Variants in MKLN1 observed in about 807,000 individuals in gnomAD.
MKLN1 encodes the protein muskelin.
In MKLN1, 18 loss-of-function variants were observed where a neutral mutation model predicts 99.0. The observed-to-expected ratio is 0.18, with a 90% CI of 0.13 to 0.27. MKLN1 has a LOEUF of 0.27. Ranked by LOEUF, MKLN1 falls within the 10% of genes least tolerant of loss-of-function variation. The probability of loss-of-function intolerance (pLI) is 1.00; values close to 1 mark genes in which losing one functional copy is unlikely to be tolerated. For synonymous variants in MKLN1, 288 were observed against 293.2 expected, an observed-to-expected ratio of 0.98 and a Z score of 0.18; for missense variants, 621 against 875.9, an observed-to-expected ratio of 0.71 and a Z score of 3.67.
At chr7:131,329,614 T>C (rs1048511714) in intron 1 of MKLN1, among the ~76,000 whole-genome samples, 1 of 152,206 alleles carries the variant, frequency 6.6e-6, no homozygotes, top group Admixed American at 6.5e-5. Flanking sequence ...TTAGCGTATT[T>C]CCAGGACGTC....
chr7:131,335,900 TAAC>T (rs1175161322), intron 1 of MKLN1, among the ~76,000 whole-genome samples: 3 of 152,038 alleles, frequency 2.0e-5, no homozygotes, highest in Non-Finnish European at 4.4e-5. Context: ...ATTCTGCTGT[TAAC>T]TACTGTCTTC....
At chr7:131,192,162 CTTAT>C (rs1486241931) in intron 2 of MKLN1, among the ~76,000 whole-genome samples, 3,121 of 105,242 alleles carry the variant, frequency 0.03, 317 homozygotes, top group Admixed American at 0.039. Flanking sequence ...TACATATATA[CTTAT>C]GTATAATATA....
At chr7:131,222,835 G>A (rs1797079631) in intron 3 of MKLN1, among the ~76,000 whole-genome samples, 1 of 149,044 alleles carries the variant, frequency 6.7e-6, no homozygotes, top group East Asian at 2.0e-4. Flanking sequence ...TGGCCAACAT[G>A]GTAAAATCCT....
chr7:131,149,046 G>C (rs960287508), intron 2 of MKLN1, among the ~76,000 whole-genome samples: 1 of 152,108 alleles, frequency 6.6e-6, no homozygotes, highest in African/African-American at 2.4e-5. Context: ...TGGGGCAGGC[G>C]GTGGGGCAGA....
intron 1 of MKLN1, among the ~76,000 whole-genome samples, chr7:131,112,239 G>A (rs939590189): frequency 3.3e-5 from 5 of 152,232 alleles, no homozygotes; most frequent in African/African-American, 7.2e-5. Flanking sequence ...AAGCTTAAAT[G>A]AAAGTGCTGG....
chr7:131,116,197 A>G (rs1475834116), intron 1 of MKLN1, among the ~76,000 whole-genome samples: 1 of 151,800 alleles, frequency 6.6e-6, no homozygotes, highest in Non-Finnish European at 1.5e-5. Context: ...GAATATATAT[A>G]TATATTCATT....
At chr7:131,361,376 C>T (rs1800023115) in intron 1 of MKLN1, among the ~76,000 whole-genome samples, 1 of 151,530 alleles carries the variant, frequency 6.6e-6, no homozygotes, top group Non-Finnish European at 1.5e-5. Context: ...TCTTTAAGCT[C>T]ACTGATTCTT....
rs970367462 is a variant in MKLN1, at chr7:131,395,150, T to C, written c.401-2117T>C. On this transcript the variant is annotated intron_variant, in intron 4 of 17. Transcript: ENST00000352689. ...TGGTTTTTATCCTTGACAGCAAATA[T>C]CGTTAAGTATTTTCCTTGAAATAAC... is the stretch of plus-strand genomic sequence containing the variant. Among the ~76,000 whole-genome samples the C allele has an allele frequency of 5.3e-5, 8 of 152,208 alleles. No individual in the cohort carries two copies. In the East Asian group the frequency reaches 9.6e-4, roughly 18 times the overall value.
intron 3 of MKLN1, among the ~76,000 whole-genome samples, chr7:131,282,104 C>T (rs2116579780): frequency 6.6e-6 from 1 of 151,892 alleles, no homozygotes; most frequent in East Asian, 1.9e-4. Flanking sequence ...AATCCCAGCA[C>T]TTTGGGAGGC....
intron 15 of MKLN1, among the ~76,000 whole-genome samples, chr7:131,467,576 G>A (rs1202148823): frequency 2.0e-5 from 3 of 152,156 alleles, no homozygotes; most frequent in African/African-American, 7.2e-5. Context: ...AGGCTCTGAA[G>A]TTAAAAAGAT....
At chr7:131,372,030 A>G (rs1436982098) in intron 1 of MKLN1, among the ~76,000 whole-genome samples, 1 of 151,850 alleles carries the variant, frequency 6.6e-6, no homozygotes, top group Non-Finnish European at 1.5e-5. Flanking sequence ...AAATAGTATT[A>G]ATTTTTTTTC....
chr7:131,330,987 T>C, intron 1 of MKLN1, among the ~76,000 whole-genome samples: 1 of 152,302 alleles, frequency 6.6e-6, no homozygotes, highest in East Asian at 1.9e-4. Context: ...TAAATACACT[T>C]ATTTAAATAA....
At chr7:131,266,267 G>A (rs1208514172) in intron 3 of MKLN1, among the ~76,000 whole-genome samples, 1 of 151,690 alleles carries the variant, frequency 6.6e-6, no homozygotes, top group Non-Finnish European at 1.5e-5. Flanking sequence ...GAGAGGTGAG[G>A]CTGTCTACCA....
chr7:131,470,939 A>C lies in MKLN1; in HGVS notation c.2026A>C (p.Lys676Gln), dbSNP rs143667715. The C allele has an allele frequency of 8.8e-6, 14 of 1,585,702 alleles. No homozygotes were observed. In the African/African-American group the frequency reaches 1.9e-4, roughly 21 times the overall value. ...GGATCATTCAGACCCAGAAGAGACA[A>C]AAGAGGTAAAGAAAGGTGGTAATAA... ...TVDHSDPEET[K>Q]EFQLLASALF... The change falls in exon 16 of 18, where the codon AAA becomes CAA. Residue 676 changes from lysine (K) to glutamine (Q), a missense_variant. Around this residue, in one of 8 missense-constraint regions of MKLN1, gnomAD observed 126 missense variants for 157.4 expected, o/e 0.80. Coordinates refer to ENST00000352689, the MANE Select transcript of MKLN1 (RefSeq NM_013255.5).
At chr7:131,403,035 C>T (rs1794595989) in intron 6 of MKLN1, among the ~76,000 whole-genome samples, 1 of 152,164 alleles carries the variant, frequency 6.6e-6, no homozygotes, top group Non-Finnish European at 1.5e-5. Context: ...CAGGCATTGA[C>T]TTCACTCTAG....
At chr7:131,140,027 T>C (rs949432978) in intron 1 of MKLN1, among the ~76,000 whole-genome samples, 2 of 152,170 alleles carry the variant, frequency 1.3e-5, no homozygotes, top group East Asian at 3.9e-4. Flanking sequence ...GATTATGTCT[T>C]CCACTTTTAA....
chr7:131,451,874 G>A (rs1475856547), intron 12 of MKLN1, among the ~76,000 whole-genome samples: 1 of 152,126 alleles, frequency 6.6e-6, no homozygotes, highest in South Asian at 2.1e-4. Flanking sequence ...GAGTTTTGTA[G>A]TTTTCTATAG....
intron 2 of MKLN1, among the ~76,000 whole-genome samples, chr7:131,176,058 C>T (rs1384892581): frequency 6.6e-6 from 1 of 152,182 alleles, no homozygotes; most frequent in African/African-American, 2.4e-5. Context: ...CAGTTCATTT[C>T]TGCCTTCCCT....
intron 3 of MKLN1, among the ~76,000 whole-genome samples, chr7:131,250,070 T>C (rs949145841): frequency 5.3e-5 from 8 of 151,958 alleles, no homozygotes; most frequent in African/African-American, 1.9e-4. Flanking sequence ...AAGAAGGAAA[T>C]AATGTGGGCC....
Sources: allele counts gnomAD v4.1 joint callset (sites outside exome capture counted in the v4.1 genomes callset), GRCh38; gene constraint gnomAD v4.1.1; regional missense constraint gnomAD v4.1.1; transcripts MANE v1.5; gene names NCBI Gene and HGNC (gene_info 2026-07-23, HGNC 2026-07-21).